Variants in NDST4 observed in about 807,000 individuals in gnomAD.
NDST4 encodes N-deacetylase and N-sulfotransferase 4.
Under a neutral mutation model 100.8 loss-of-function variants are expected in NDST4, and 63 were observed. The observed-to-expected ratio is 0.62, with a 90% CI of 0.51 to 0.77. The LOEUF is 0.77. NDST4 is among the 30% of genes least tolerant of loss of function. NDST4 has a pLI of 0.00. For synonymous variants in NDST4, 377 were observed against 361.8 expected, an observed-to-expected ratio of 1.04 and a Z score of -0.48; for missense variants, 943 against 1,018.4, an observed-to-expected ratio of 0.93 and a Z score of 1.01.
chr4:115,113,058 A>G (rs1218101057), intron 1 of NDST4, among the ~76,000 whole-genome samples: 1 of 151,972 alleles, frequency 6.6e-6, no homozygotes, highest in Non-Finnish European at 1.5e-5. Flanking sequence ...TATTAGGGAA[A>G]CATTTATAAC....
chr4:114,979,533 G>A (rs1726718818), intron 2 of NDST4, among the ~76,000 whole-genome samples: 1 of 151,528 alleles, frequency 6.6e-6, no homozygotes, highest in Non-Finnish European at 1.5e-5. Flanking sequence ...ATTTTTGTCA[G>A]TAACATTTTT....
In NDST4 at chr4:115,011,994, A is replaced by G. The variant is rs113761015; in HGVS notation, c.979-34720T>C. 6.5e-3 allele frequency among the ~76,000 whole-genome samples: 984 copies of G among 151,814 alleles called. 14 individuals are homozygous for G. The highest frequency in any genetic ancestry group is 0.022 in the African/African-American group (923 of 41,512). Reference sequence around the variant, plus strand: ...CAACATGAAAGAGAGAAAAATGTGTATGTGTGTGTGTACGTGTGATAGGAG... The same window carrying G: ...CAACATGAAAGAGAGAAAAATGTGTGTGTGTGTGTGTACGTGTGATAGGAG... On this transcript the variant is annotated intron_variant, in intron 2 of 13. Coordinates refer to ENST00000264363, the MANE Select transcript of NDST4 (RefSeq NM_022569.3).
chr4:115,019,385 CAAAG>C (rs1483693193), intron 2 of NDST4, among the ~76,000 whole-genome samples: 3 of 152,024 alleles, frequency 2.0e-5, no homozygotes, highest in Non-Finnish European at 2.9e-5. Context: ...GGACATACCC[CAAAG>C]AAAGAAAAGA....
At chr4:114,986,793 CAT>C (rs59806494) in intron 2 of NDST4, among the ~76,000 whole-genome samples, 1,374 of 91,012 alleles carry the variant, frequency 0.015, 33 homozygotes, top group East Asian at 0.095. Context: ...TCCAATTATA[CAT>C]ATATATATAT....
intron 6 of NDST4, among the ~76,000 whole-genome samples, chr4:114,878,195 A>T (rs890753131): frequency 1.3e-5 from 2 of 152,136 alleles, no homozygotes; most frequent in African/African-American, 4.8e-5. Context: ...TCAGTTATTG[A>T]TCTTTCCACT....
chr4:115,091,774 G>C (rs1729525261), intron 1 of NDST4, among the ~76,000 whole-genome samples: 1 of 152,110 alleles, frequency 6.6e-6, no homozygotes, highest in Non-Finnish European at 1.5e-5. Context: ...TAATCATTCT[G>C]AGTAAAATGC....
chr4:115,001,098 C>A (rs1212441438), intron 2 of NDST4, among the ~76,000 whole-genome samples: 1 of 152,110 alleles, frequency 6.6e-6, no homozygotes, highest in Non-Finnish European at 1.5e-5. Context: ...AGAGTTTTAA[C>A]ATATGAATTT....
At position 115,065,286 on chromosome 4, in the gene NDST4, G is replaced by A. The variant is rs563777017; in HGVS notation, c.978+10773C>T. ...TTCTGAATTGGGTTTCTTTACATTGGTGTTACAGATATATGGTATGAGGGT... is the reference window on the plus strand; with the variant it reads ...TTCTGAATTGGGTTTCTTTACATTGATGTTACAGATATATGGTATGAGGGT... On this transcript the variant is annotated intron_variant, in intron 2 of 13. Transcript: ENST00000264363. Among the ~76,000 whole-genome samples the A allele has an allele frequency of 2.6e-5, 4 of 152,098 alleles. No individual in the cohort carries two copies. In the East Asian group the frequency reaches 7.7e-4, roughly 29 times the overall value.
At chr4:115,098,445 G>T (rs992378229) in intron 1 of NDST4, among the ~76,000 whole-genome samples, 2 of 152,004 alleles carry the variant, frequency 1.3e-5, no homozygotes, top group African/African-American at 4.8e-5. Flanking sequence ...ATAGTCCAGA[G>T]GAAGACTTAA....
chr4:114,867,338 A>G (rs1281855146), intron 7 of NDST4, among the ~76,000 whole-genome samples: 1 of 152,204 alleles, frequency 6.6e-6, no homozygotes, highest in Non-Finnish European at 1.5e-5. Flanking sequence ...AGCTGGAATC[A>G]GCAAAGGGAT....
chr4:114,920,913 A>T (rs1260767903), intron 6 of NDST4, among the ~76,000 whole-genome samples: 5 of 152,132 alleles, frequency 3.3e-5, no homozygotes, highest in Admixed American at 2.0e-4. Flanking sequence ...ATTTATATTA[A>T]ATTCATCTCA....
intron 2 of NDST4, among the ~76,000 whole-genome samples, chr4:114,989,127 A>T (rs1264974233): frequency 1.3e-5 from 2 of 152,158 alleles, no homozygotes; most frequent in African/African-American, 2.4e-5. Context: ...AATCTAATAA[A>T]CACCTGCTAG....
intron 2 of NDST4, among the ~76,000 whole-genome samples, chr4:115,062,242 T>G (rs1179157996): frequency 6.6e-6 from 1 of 152,082 alleles, no homozygotes; most frequent in Non-Finnish European, 1.5e-5. Context: ...ATTGAAATAC[T>G]TTTTGAAAAT....
At chr4:114,857,612 T>C (rs887204975) in intron 7 of NDST4, among the ~76,000 whole-genome samples, 9 of 152,224 alleles carry the variant, frequency 5.9e-5, no homozygotes, top group African/African-American at 2.2e-4. Flanking sequence ...AAATGGACTT[T>C]GGTGGCACTA....
chr4:114,888,736 T>G lies in NDST4; in HGVS notation c.1537-17786A>C, dbSNP rs534734286. On this transcript the variant is annotated intron_variant, in intron 6 of 13. Coordinates refer to ENST00000264363, the MANE Select transcript of NDST4 (RefSeq NM_022569.3). ...AAATTTTATCCCACCTCTTTAATTT[T>G]GTTGTCTTTGTCACTGCTTGCATCA... 5.8e-4 allele frequency among the ~76,000 whole-genome samples: 89 copies of G among 152,286 alleles called. 1 individual carries two copies. The South Asian group carries it at 8.9e-3, about 15-fold the overall frequency.
chr4:115,039,566 C>A (rs57547050), intron 2 of NDST4, among the ~76,000 whole-genome samples: 14,131 of 152,062 alleles, frequency 0.093, 2,008 homozygotes, highest in African/African-American at 0.31. Flanking sequence ...TGAAGCTGTT[C>A]ATAACAGCTA....
At chr4:115,090,371 TTTA>T (rs1729491877) in intron 1 of NDST4, among the ~76,000 whole-genome samples, 1 of 151,838 alleles carries the variant, frequency 6.6e-6, no homozygotes, top group African/African-American at 2.4e-5. Flanking sequence ...TAGAAGATAA[TTTA>T]TTATAAGGAA....
At chr4:115,003,988 T>A (rs1192598825) in intron 2 of NDST4, among the ~76,000 whole-genome samples, 1 of 152,182 alleles carries the variant, frequency 6.6e-6, no homozygotes, top group African/African-American at 2.4e-5. Flanking sequence ...GGAAGAGAAC[T>A]TGGAGTCTGT....
At chr4:114,916,912 A>G (rs1354838828) in intron 6 of NDST4, among the ~76,000 whole-genome samples, 1 of 151,932 alleles carries the variant, frequency 6.6e-6, no homozygotes, top group Non-Finnish European at 1.5e-5. Context: ...TCTCTGGAAC[A>G]CTATAAATCT....
Sources: gnomAD v4.1 joint callset for allele counts (sites outside exome capture counted in the v4.1 genomes callset) on GRCh38, gnomAD v4.1.1 for gene constraint, MANE v1.5 for transcripts, NCBI Gene and HGNC (gene_info 2026-07-23, HGNC 2026-07-21) for gene names.